TMCC1: variants seen among roughly 807,000 people sequenced by gnomAD.
The protein encoded by TMCC1 is transmembrane and coiled-coil domain family 1.
TMCC1 carries 15 observed loss-of-function variants against 52.4 expected under a neutral mutation model. The observed-to-expected ratio is 0.29, with a 90% confidence interval of 0.19 to 0.44. The LOEUF is 0.44. TMCC1 is among the 20% of genes least tolerant of loss of function. The probability of loss-of-function intolerance (pLI) is 1.00; values close to 1 mark genes in which losing one functional copy is unlikely to be tolerated. For missense variants in TMCC1, 503 were observed against 806.0 expected (o/e 0.62, Z 4.55); for synonymous variants, 279 against 301.9 (o/e 0.92, Z 0.79).
intron 4 of TMCC1, among the ~76,000 whole-genome samples, chr3:129,782,606 T>C (rs1400657931): frequency 2.0e-5 from 3 of 152,188 alleles, no homozygotes; most frequent in Admixed American, 6.5e-5. Context: ...TACTAACGGA[T>C]AGAACAATCT....
intron 4 of TMCC1, among the ~76,000 whole-genome samples, chr3:129,759,194 A>G (rs2053275424): frequency 3.9e-5 from 6 of 152,106 alleles, no homozygotes; most frequent in Admixed American, 3.9e-4. Context: ...CTATTCTTCC[A>G]TAACTGCCTC....
chr3:129,735,998 C>T (rs1425051772), intron 4 of TMCC1, among the ~76,000 whole-genome samples: 1 of 152,248 alleles, frequency 6.6e-6, no homozygotes, highest in Non-Finnish European at 1.5e-5. Flanking sequence ...CTGCTCTTAT[C>T]TGTAGACCTT....
intron 4 of TMCC1, among the ~76,000 whole-genome samples, chr3:129,805,791 G>A (rs1391103229): frequency 2.0e-5 from 3 of 151,886 alleles, no homozygotes; most frequent in Non-Finnish European, 2.9e-5. Flanking sequence ...AAAAATAATA[G>A]CTGGGTGTGG....
intron 4 of TMCC1, among the ~76,000 whole-genome samples, chr3:129,759,710 C>CT (rs61519484): frequency 2.7e-5 from 1 of 37,192 alleles, no homozygotes; most frequent in African/African-American, 1.1e-4. Context: ...GCCAGCCAAA[C>CT]TTTTTTTTTT....
rs1487828079 is a variant in TMCC1 at position 129,868,450 on chromosome 3, C to CT, written c.-184+11858dup. Among the ~76,000 whole-genome samples, 11 of 152,196 alleles carry CT rather than the reference C, an allele frequency of 7.2e-5. No individual in the cohort carries two copies. In the East Asian group the frequency reaches 2.1e-3, roughly 29 times the overall value. On this transcript the variant is annotated intron_variant, in intron 2 of 6. Transcript: ENST00000393238. ...GGCATTTAGCTGTTTCTTTTCTTTT[C>CT]TTTTTTGAGATAGAGTCTTGCTCTG...
chr3:129,862,610 T>C (rs930802312), intron 2 of TMCC1, among the ~76,000 whole-genome samples: 1 of 152,166 alleles, frequency 6.6e-6, no homozygotes, highest in African/African-American at 2.4e-5. Flanking sequence ...AAATAAGTGC[T>C]GAATAAATAT....
intron 2 of TMCC1, among the ~76,000 whole-genome samples, chr3:129,873,957 C>T (rs574377238): frequency 6.6e-6 from 1 of 152,088 alleles, no homozygotes; most frequent in South Asian, 2.1e-4. Context: ...GGGAAAAAAG[C>T]AAGGTATAGA....
At chr3:129,865,365 T>C (rs570135326) in intron 2 of TMCC1, among the ~76,000 whole-genome samples, 41 of 151,952 alleles carry the variant, frequency 2.7e-4, no homozygotes, top group Non-Finnish European at 5.6e-4. Context: ...TGCCCAGGCT[T>C]GTTTCAAACT....
chr3:129,838,479 G>C (rs921838418), intron 2 of TMCC1, among the ~76,000 whole-genome samples: 1 of 151,958 alleles, frequency 6.6e-6, no homozygotes, highest in African/African-American at 2.4e-5. Flanking sequence ...AAGGGGGCTG[G>C]GCACGGTGGC....
intron 4 of TMCC1, among the ~76,000 whole-genome samples, chr3:129,795,862 G>C (rs1202234085): frequency 6.6e-6 from 1 of 152,166 alleles, no homozygotes; most frequent in African/African-American, 2.4e-5. Context: ...TCATCAGATC[G>C]ACTGTTGCAG....
intron 4 of TMCC1, among the ~76,000 whole-genome samples, chr3:129,823,349 C>T (rs188197797): frequency 4.0e-5 from 6 of 151,798 alleles, no homozygotes; most frequent in Admixed American, 2.0e-4. Flanking sequence ...ACAAAAATAA[C>T]ATTTTATATA....
chr3:129,668,184 T>C (rs1000807475), intron 5 of TMCC1, among the ~76,000 whole-genome samples: 102 of 152,284 alleles, frequency 6.7e-4, no homozygotes, highest in Middle Eastern at 6.8e-3. Context: ...TGAGACTCTG[T>C]CTCAAAACCA....
intron 4 of TMCC1, among the ~76,000 whole-genome samples, chr3:129,757,649 C>T (rs573921251): frequency 7.4e-4 from 113 of 152,110 alleles, no homozygotes; most frequent in African/African-American, 2.6e-3. Context: ...GTTGAAACCC[C>T]GTCTCTACTA....
intron 2 of TMCC1, among the ~76,000 whole-genome samples, chr3:129,855,086 G>T (rs1243734603): frequency 2.0e-5 from 3 of 152,206 alleles, no homozygotes; most frequent in Admixed American, 1.3e-4. Context: ...CTATCACCAT[G>T]ATCTTCACTA....
At chr3:129,869,294 C>T (rs917370137) in intron 2 of TMCC1, among the ~76,000 whole-genome samples, 6 of 152,110 alleles carry the variant, frequency 3.9e-5, no homozygotes, top group African/African-American at 2.4e-5. Context: ...ATGAAAGCCT[C>T]ACACCCCTCC....
chr3:129,679,031 C>G (rs888333545), intron 4 of TMCC1, among the ~76,000 whole-genome samples: 8 of 152,168 alleles, frequency 5.3e-5, no homozygotes, highest in African/African-American at 1.9e-4. Context: ...TTACAATGGC[C>G]ATGATCTACA....
chr3:129,893,653 T>A lies in TMCC1; in HGVS notation c.-594A>T, dbSNP rs1577257223. 1 of 145,018 alleles carries A rather than the reference T, an allele frequency of 6.9e-6. No individual in the cohort carries two copies. The highest frequency in any genetic ancestry group is 1.9e-4 in the South Asian group (1 of 5,200). 9.0% of individuals were successfully genotyped at this position (145,018 alleles called of 1,614,324 possible). On this transcript the variant is annotated 5_prime_UTR_variant, in exon 1 of 7. Coordinates refer to ENST00000393238, the MANE Select transcript of TMCC1 (RefSeq NM_001017395.5). The stretch of plus-strand genomic sequence containing the variant: ...GCCGCCTCAGCCGCCGCCGCCTCAG[T>A]CACCGCCACCGCCGCCGCCGCCTCA...
intron 4 of TMCC1, among the ~76,000 whole-genome samples, chr3:129,789,561 A>G (rs958053111): frequency 6.6e-6 from 1 of 152,160 alleles, no homozygotes; most frequent in African/African-American, 2.4e-5. Context: ...GCTCACTGCA[A>G]GCTCCGCCTC....
At chr3:129,679,405 A>C (rs1038728064) in intron 4 of TMCC1, among the ~76,000 whole-genome samples, 2 of 152,094 alleles carry the variant, frequency 1.3e-5, no homozygotes, top group African/African-American at 4.8e-5. Context: ...TCCAGGGTTT[A>C]AGTGATTCTT....
Sources: allele counts gnomAD v4.1 joint callset (sites outside exome capture counted in the v4.1 genomes callset), GRCh38; gene constraint gnomAD v4.1.1; transcripts MANE v1.5; gene names NCBI Gene and HGNC (gene_info 2026-07-23, HGNC 2026-07-21).